CA10: variants seen among roughly 807,000 people sequenced by gnomAD.
The protein encoded by CA10 is carbonic anhydrase 10 (inactive), also known as carbonic anhydrase-related protein 10.
In CA10, 14 loss-of-function variants were observed where a neutral mutation model predicts 44.2. The ratio of observed to expected loss-of-function variants is 0.32; its 90% CI spans 0.21 to 0.50. CA10 has a LOEUF of 0.50. Ranked by LOEUF, CA10 falls within the 20% of genes least tolerant of loss-of-function variation. CA10 has a pLI of 0.99. For missense variants in CA10, 350 were observed against 409.7 expected (o/e 0.85, Z 1.26); for synonymous variants, 159 against 141.6 (o/e 1.12, Z -0.87).
intron 2 of CA10, among the ~76,000 whole-genome samples, chr17:51,934,618 A>G (rs1982790188): frequency 6.6e-6 from 1 of 152,138 alleles, no homozygotes. Context: ...TAACATACAT[A>G]GAAGGGCCTG....
intron 4 of CA10, among the ~76,000 whole-genome samples, chr17:51,681,078 T>C (rs1455216721): frequency 6.6e-6 from 1 of 152,234 alleles, no homozygotes; most frequent in African/African-American, 2.4e-5. Flanking sequence ...CCAGCCTTAA[T>C]CTGCACAGTG....
At chr17:52,051,680 G>A (rs1466321724) in intron 2 of CA10, among the ~76,000 whole-genome samples, 1 of 152,000 alleles carries the variant, frequency 6.6e-6, no homozygotes, top group Non-Finnish European at 1.5e-5. Context: ...ATGGTTGATG[G>A]GAGTGTAAAT....
rs530713953 is a variant in CA10 at position 51,878,480 on chromosome 17, G to A, written c.279+52510C>T. 6.6e-5 allele frequency among the ~76,000 whole-genome samples: 10 copies of A among 152,132 alleles called. No individual in the cohort carries two copies. The East Asian group carries it at 1.8e-3, about 27-fold the overall frequency. On this transcript the variant is annotated intron_variant, in intron 3 of 8. Transcript: ENST00000451037. The stretch of plus-strand genomic sequence containing the variant: ...CCTGGCAGAATCACAATCTGTCATA[G>A]GATATTTTTCACATTATTGTTCAAG...
intron 3 of CA10, among the ~76,000 whole-genome samples, chr17:51,896,765 A>G (rs943264452): frequency 2.6e-5 from 4 of 152,032 alleles, no homozygotes; most frequent in South Asian, 2.1e-4. Flanking sequence ...TGACTTTTTA[A>G]TAATAGCCAT....
chr17:51,871,941 A>T (rs191516351), intron 3 of CA10, among the ~76,000 whole-genome samples: 1 of 152,334 alleles, frequency 6.6e-6, no homozygotes, highest in East Asian at 1.9e-4. Flanking sequence ...ACCTTAAAAG[A>T]TAATATAACC....
At chr17:51,746,606 A>G (rs1451417235) in intron 4 of CA10, among the ~76,000 whole-genome samples, 1 of 152,172 alleles carries the variant, frequency 6.6e-6, no homozygotes, top group Non-Finnish European at 1.5e-5. Context: ...ATTATACTTT[A>G]ATGACTTGAA....
At chr17:51,869,922 C>A (rs970154837) in intron 3 of CA10, among the ~76,000 whole-genome samples, 1 of 152,150 alleles carries the variant, frequency 6.6e-6, no homozygotes, top group African/African-American at 2.4e-5. Context: ...TATTAGAACC[C>A]ATGTTAACAT....
At chr17:51,913,481 T>C (rs893673051) in intron 3 of CA10, among the ~76,000 whole-genome samples, 1 of 152,158 alleles carries the variant, frequency 6.6e-6, no homozygotes, top group Non-Finnish European at 1.5e-5. Flanking sequence ...TTTGTGAAAT[T>C]TGGGAAAGCC....
At chr17:51,861,686 G>C (rs143107193) in intron 3 of CA10, among the ~76,000 whole-genome samples, 11 of 152,242 alleles carry the variant, frequency 7.2e-5, no homozygotes, top group African/African-American at 2.6e-4. Context: ...AATGTAGAAT[G>C]AGTCTTTGAA....
chr17:51,795,355 C>T (rs142560366), intron 3 of CA10, among the ~76,000 whole-genome samples: 3 of 152,288 alleles, frequency 2.0e-5, no homozygotes, highest in African/African-American at 7.2e-5. Flanking sequence ...CAATTCTGTT[C>T]TCACTAATGT....
chr17:51,697,710 G>A (rs1915449563), intron 4 of CA10, among the ~76,000 whole-genome samples: 1 of 152,184 alleles, frequency 6.6e-6, no homozygotes, highest in Non-Finnish European at 1.5e-5. Context: ...ACACAGCCTG[G>A]CACATAGAAG....
intron 4 of CA10, among the ~76,000 whole-genome samples, chr17:51,687,642 A>G (rs1915051978): frequency 6.6e-6 from 1 of 152,234 alleles, no homozygotes; most frequent in Non-Finnish European, 1.5e-5. Flanking sequence ...TGAAATGAGA[A>G]CAAAGACATC....
chr17:51,830,211 A>AAG (rs1555603886), intron 3 of CA10, among the ~76,000 whole-genome samples: 6 of 134,330 alleles, frequency 4.5e-5, no homozygotes, highest in East Asian at 4.5e-4. Flanking sequence ...AAAAAAAAAA[A>AAG]AAAAAGAAAA....
intron 1 of CA10, among the ~76,000 whole-genome samples, chr17:52,145,546 T>C (rs1989565149): frequency 6.6e-6 from 1 of 152,216 alleles, no homozygotes; most frequent in South Asian, 2.1e-4. Flanking sequence ...CTATAATGTA[T>C]AAAAATGTGC....
At chr17:51,841,278 A>C (rs1437462331) in intron 3 of CA10, among the ~76,000 whole-genome samples, 1 of 152,100 alleles carries the variant, frequency 6.6e-6, no homozygotes, top group East Asian at 1.9e-4. Flanking sequence ...CTGTGTGTAG[A>C]TACATACTGA....
At chr17:51,971,166 C>G (rs566750952) in intron 2 of CA10, among the ~76,000 whole-genome samples, 1 of 152,058 alleles carries the variant, frequency 6.6e-6, no homozygotes, top group African/African-American at 2.4e-5. Context: ...TGGAAAGTCT[C>G]AAACCACTCC....
chr17:52,014,427 G>A (rs968187099), intron 2 of CA10, among the ~76,000 whole-genome samples: 1 of 151,796 alleles, frequency 6.6e-6, no homozygotes, highest in African/African-American at 2.4e-5. Context: ...ACTGGCTGTG[G>A]GAAATAATTG....
At chr17:51,786,362 G>A (rs953806802) in intron 3 of CA10, among the ~76,000 whole-genome samples, 1 of 152,056 alleles carries the variant, frequency 6.6e-6, no homozygotes, top group Non-Finnish European at 1.5e-5. Flanking sequence ...GGCCAGCCTA[G>A]GCAACACAGT....
intron 3 of CA10, among the ~76,000 whole-genome samples, chr17:51,832,557 G>T (rs563499509): frequency 1.3e-5 from 2 of 152,282 alleles, no homozygotes; most frequent in East Asian, 3.9e-4. Flanking sequence ...TAAGTGTTGG[G>T]CAGAATCACT....
Sources: gnomAD v4.1 joint callset for allele counts (sites outside exome capture counted in the v4.1 genomes callset) on GRCh38, gnomAD v4.1.1 for gene constraint, MANE v1.5 for transcripts, NCBI Gene and HGNC (gene_info 2026-07-23, HGNC 2026-07-21) for gene names.